AGBL4: variants seen among roughly 807,000 people sequenced by gnomAD.
The protein encoded by AGBL4 is AGBL carboxypeptidase 4, also known as cytosolic carboxypeptidase 6.
In AGBL4, 58 loss-of-function variants were observed where a neutral mutation model predicts 66.4. The observed-to-expected ratio is 0.87, with a 90% CI of 0.71 to 1.09. AGBL4 has a LOEUF of 1.09. Among genes scored for constraint, AGBL4 ranks in the 50% least tolerant of loss-of-function variants. The probability of loss-of-function intolerance (pLI) is 0.00; values close to 1 mark genes in which losing one functional copy is unlikely to be tolerated. For missense variants in AGBL4, 579 were observed against 631.0 expected (o/e 0.92, Z 0.88); for synonymous variants, 234 against 222.9 (o/e 1.05, Z -0.44).
intron 5 of AGBL4, among the ~76,000 whole-genome samples, chr1:49,019,642 A>C (rs1371230532): frequency 6.6e-6 from 1 of 152,220 alleles, no homozygotes; most frequent in African/African-American, 2.4e-5. Flanking sequence ...TCTTCAGGAT[A>C]ACAAAAACAA....
intron 3 of AGBL4, among the ~76,000 whole-genome samples, chr1:49,407,484 T>C (rs1645229650): frequency 6.6e-6 from 1 of 152,230 alleles, no homozygotes; most frequent in Non-Finnish European, 1.5e-5. Flanking sequence ...AGCCAATTCC[T>C]CATAATAAAT....
At chr1:49,948,486 A>T (rs1327210133) in intron 1 of AGBL4, among the ~76,000 whole-genome samples, 1 of 103,860 alleles carries the variant, frequency 9.6e-6, no homozygotes, top group African/African-American at 3.5e-5. Flanking sequence ...TATAAATATA[A>T]ATATATAAAA....
chr1:49,498,880 A>T (rs1326475168), intron 3 of AGBL4, among the ~76,000 whole-genome samples: 1 of 152,086 alleles, frequency 6.6e-6, no homozygotes, highest in Non-Finnish European at 1.5e-5. Context: ...AATTATGTTG[A>T]ACCATCCTTA....
At chr1:48,907,373 C>T (rs927206048) in intron 5 of AGBL4, among the ~76,000 whole-genome samples, 4 of 152,168 alleles carry the variant, frequency 2.6e-5, no homozygotes, top group Admixed American at 6.5e-5. Context: ...AGCTGTCATA[C>T]TATGTTGCTG....
At chr1:48,933,119 A>G (rs1204825543) in intron 5 of AGBL4, among the ~76,000 whole-genome samples, 2 of 152,192 alleles carry the variant, frequency 1.3e-5, no homozygotes, top group African/African-American at 4.8e-5. Flanking sequence ...TCTCCTTTCT[A>G]TAAAATAGAG....
At chr1:49,448,239 T>G (rs1646202456) in intron 3 of AGBL4, among the ~76,000 whole-genome samples, 1 of 152,156 alleles carries the variant, frequency 6.6e-6, no homozygotes, top group African/African-American at 2.4e-5. Flanking sequence ...GTGCTCATAA[T>G]TATGGAGAAC....
At chr1:49,385,846 G>A (rs1644725197) in intron 3 of AGBL4, among the ~76,000 whole-genome samples, 1 of 152,162 alleles carries the variant, frequency 6.6e-6, no homozygotes, top group South Asian at 2.1e-4. Flanking sequence ...TAATACAAAA[G>A]GGGATGATAA....
rs1190547000 is a variant in AGBL4 at position 49,868,649 on chromosome 1, C to G, written c.35-17131G>C. Among the ~76,000 whole-genome samples, 7 of 152,120 alleles carry G rather than the reference C, an allele frequency of 4.6e-5. No individual in the cohort carries two copies. The South Asian group carries it at 1.5e-3, about 32-fold the overall frequency. On this transcript the variant is annotated intron_variant, in intron 1 of 13. Transcript: ENST00000371839. The stretch of plus-strand genomic sequence containing the variant: ...ATGTAAAACGCAAAAGTATAAGAAC[C>G]CTAGAAGAAAACCTAGGCAATACCA...
chr1:48,754,571 G>T (rs1454071904), intron 6 of AGBL4, among the ~76,000 whole-genome samples: 1 of 152,156 alleles, frequency 6.6e-6, no homozygotes, highest in Non-Finnish European at 1.5e-5. Flanking sequence ...GGAGGGGCAG[G>T]AAAGGGAGAA....
At position 49,072,217 on chromosome 1, in the gene AGBL4, T is replaced by C. The variant is rs551309085; in HGVS notation, c.378-26417A>G. Among the ~76,000 whole-genome samples, 11 of 152,346 alleles carry C rather than the reference T, an allele frequency of 7.2e-5. No homozygotes were observed. In the South Asian group the frequency reaches 2.3e-3, roughly 32 times the overall value. ...TATCCAATTTGCCAGTGTGTGTCTT[T>C]TAATTGGGGCATTTAGCTCATTTAC... is the stretch of plus-strand genomic sequence containing the variant. On this transcript the variant is annotated intron_variant, in intron 4 of 13. Coordinates refer to ENST00000371839, the MANE Select transcript of AGBL4 (RefSeq NM_032785.4).
chr1:49,849,393 TTTATTATTATTA>T (rs61688417), intron 2 of AGBL4, among the ~76,000 whole-genome samples: 170 of 130,076 alleles, frequency 1.3e-3, no homozygotes, highest in African/African-American at 3.8e-3. Context: ...ATTCATCTAA[TTTATTATTATTA>T]TTATTATTAT....
chr1:49,130,794 T>C (rs953689800), intron 4 of AGBL4, among the ~76,000 whole-genome samples: 23 of 152,158 alleles, frequency 1.5e-4, no homozygotes, highest in East Asian at 1.9e-4. Flanking sequence ...CTTGGCGATG[T>C]GGGCTCTTTT....
chr1:48,837,739 A>C (rs985416946), intron 6 of AGBL4, among the ~76,000 whole-genome samples: 1 of 133,028 alleles, frequency 7.5e-6, no homozygotes, highest in Non-Finnish European at 1.6e-5. Context: ...ATATATATAT[A>C]TATCCTGTTA....
intron 2 of AGBL4, among the ~76,000 whole-genome samples, chr1:49,829,582 C>T (rs147203068): frequency 6.6e-6 from 1 of 152,116 alleles, no homozygotes; most frequent in Non-Finnish European, 1.5e-5. Context: ...TCCATTTTTA[C>T]TGGAAATCTT....
At chr1:49,750,876 T>G (rs192801136) in intron 2 of AGBL4, among the ~76,000 whole-genome samples, 1 of 152,322 alleles carries the variant, frequency 6.6e-6, no homozygotes, top group African/African-American at 2.4e-5. Flanking sequence ...CACTCATGAG[T>G]TGGCTCTCTG....
chr1:49,396,424 G>A (rs1644976780), intron 3 of AGBL4, among the ~76,000 whole-genome samples: 1 of 152,102 alleles, frequency 6.6e-6, no homozygotes, highest in Admixed American at 6.6e-5. Context: ...ATATATGTTT[G>A]GAAAGTAGTG....
At chr1:48,539,250 C>A (rs1398993397) in intron 12 of AGBL4, among the ~76,000 whole-genome samples, 1 of 152,206 alleles carries the variant, frequency 6.6e-6, no homozygotes, top group African/African-American at 2.4e-5. Flanking sequence ...GTGAGGACTG[C>A]TGTCCTCACT....
intron 6 of AGBL4, among the ~76,000 whole-genome samples, chr1:48,746,130 T>C (rs1437441286): frequency 2.0e-5 from 3 of 152,202 alleles, no homozygotes; most frequent in African/African-American, 7.2e-5. Flanking sequence ...GGAGGAAAGA[T>C]AACAGTGACT....
intron 4 of AGBL4, among the ~76,000 whole-genome samples, chr1:49,110,440 A>C (rs143908905): frequency 2.5e-4 from 38 of 152,260 alleles, no homozygotes; most frequent in African/African-American, 7.2e-4. Context: ...ACCTTCTTCT[A>C]TTTATTGAAA....
Sources: gnomAD v4.1 joint callset for allele counts (sites outside exome capture counted in the v4.1 genomes callset) on GRCh38, gnomAD v4.1.1 for gene constraint, MANE v1.5 for transcripts, NCBI Gene and HGNC (gene_info 2026-07-23, HGNC 2026-07-21) for gene names.